The following PHB1 variants were observed in gnomAD, a reference collection of about 807,000 sequenced individuals.
PHB1 encodes epididymis luminal protein 215.
At chr17:49,409,209 G>GT in the PHB1 span, 847 of 1,578,204 alleles carry the variant, frequency 5.4e-4, 2 homozygotes, top group South Asian at 1.8e-3. Context: ...TGAGGAAGCA[G>GT]AAAAGGAACC....
chr17:49,410,012 C>T, the PHB1 span, among the ~76,000 whole-genome samples: 1 of 152,120 alleles, frequency 6.6e-6, no homozygotes, highest in Non-Finnish European at 1.5e-5. Flanking sequence ...TTCCAAGTAG[C>T]TGGGACTACA....
the PHB1 span, among the ~76,000 whole-genome samples, chr17:49,414,506 C>T: frequency 6.6e-6 from 1 of 152,128 alleles, no homozygotes; most frequent in African/African-American, 2.4e-5. Context: ...TTGCCCGCTC[C>T]AGTCTCAAAT....
the PHB1 span, among the ~76,000 whole-genome samples, chr17:49,405,435 T>G: frequency 6.6e-6 from 1 of 152,216 alleles, no homozygotes; most frequent in Non-Finnish European, 1.5e-5. Context: ...TACATCTCTG[T>G]TGGCTGCAGG....
chr17:49,413,406 A>C, the PHB1 span: 1 of 643,916 alleles, frequency 1.6e-6, no homozygotes, highest in East Asian at 2.8e-5. Context: ...CATTCCTGAA[A>C]GTGCTAAATC....
At chr17:49,409,691 G>A in the PHB1 span, among the ~76,000 whole-genome samples, 4 of 151,592 alleles carry the variant, frequency 2.6e-5, no homozygotes, top group Non-Finnish European at 5.9e-5. Flanking sequence ...ACAGGCACGC[G>A]CCGCCACACC....
the PHB1 span, chr17:49,411,626 A>T: frequency 6.6e-7 from 1 of 1,516,248 alleles, no homozygotes; most frequent in Non-Finnish European, 9.1e-7. Context: ...ACAGAAGAAC[A>T]GAGCACCTCT....
At chr17:49,405,085 T>C in the PHB1 span, 5 of 1,610,892 alleles carry the variant, frequency 3.1e-6, no homozygotes, top group African/African-American at 6.7e-5. Context: ...CCTCTGCAGC[T>C]TCCAGCTTGC....
the PHB1 span, among the ~76,000 whole-genome samples, chr17:49,413,935 C>G: frequency 6.6e-6 from 1 of 151,958 alleles, no homozygotes; most frequent in African/African-American, 2.4e-5. Flanking sequence ...CTCTCATTTC[C>G]TGGACAAGTA....
chr17:49,409,079 G>A, the PHB1 span: 2 of 1,611,756 alleles, frequency 1.2e-6, no homozygotes, highest in South Asian at 1.1e-5. Flanking sequence ...AAAGGTGGCG[G>A]CTCGCTCTGT....
chr17:49,408,229 AGGG>A, the PHB1 span, among the ~76,000 whole-genome samples: 1 of 152,218 alleles, frequency 6.6e-6, no homozygotes, highest in Non-Finnish European at 1.5e-5. Context: ...AGCAGTGCCC[AGGG>A]GTTAGCACTG....
At chr17:49,412,347 GA>G in the PHB1 span, 1 of 155,534 alleles carries the variant, frequency 6.4e-6, no homozygotes. Context: ...TTGGCACAGA[GA>G]GAAATTTATG....
chr17:49,405,026 G>A, the PHB1 span: 4 of 1,563,148 alleles, frequency 2.6e-6, no homozygotes, highest in East Asian at 2.4e-5. Context: ...GGACTGCCCC[G>A]CTGGCAGGTA....
chr17:49,413,034 G>GT, the PHB1 span: 1 of 639,104 alleles, frequency 1.6e-6, no homozygotes, highest in African/African-American at 1.8e-5. Flanking sequence ...CAGTCCTGTG[G>GT]TATGAAATGG....
the PHB1 span, among the ~76,000 whole-genome samples, chr17:49,413,711 C>T: frequency 2.6e-5 from 4 of 152,108 alleles, no homozygotes; most frequent in South Asian, 6.2e-4. Flanking sequence ...GGTCTTGCTA[C>T]GTTGCCCCAG....
chr17:49,409,495 T>G, the PHB1 span: 2 of 1,560,040 alleles, frequency 1.3e-6, no homozygotes, highest in Non-Finnish European at 8.7e-7. Context: ...GGACAAACAC[T>G]GGAGTTAAAA....
At chr17:49,406,136 A>C in the PHB1 span, among the ~76,000 whole-genome samples, 1 of 152,254 alleles carries the variant, frequency 6.6e-6, no homozygotes, top group Non-Finnish European at 1.5e-5. Flanking sequence ...ACAAAGCAAC[A>C]CAAGTCTCTG....
the PHB1 span, chr17:49,411,754 G>A: frequency 6.2e-7 from 1 of 1,614,070 alleles, no homozygotes; most frequent in South Asian, 1.1e-5. Context: ...GTACCCACGG[G>A]ATGAGAAAAT....
At chr17:49,409,850 A>AT in the PHB1 span, among the ~76,000 whole-genome samples, 78 of 150,270 alleles carry the variant, frequency 5.2e-4, no homozygotes, top group Admixed American at 1.7e-3. Flanking sequence ...GTGGTCTTTT[A>AT]TATGACCTCT....
chr17:49,408,986 G>T, the PHB1 span: 2 of 1,060,014 alleles, frequency 1.9e-6, no homozygotes, highest in East Asian at 2.4e-5. Context: ...ATGGAGCCAG[G>T]CACCTAAACG....
Sources: gnomAD v4.1 joint callset for allele counts (sites outside exome capture counted in the v4.1 genomes callset) on GRCh38, gnomAD v4.1.1 for gene constraint, MANE v1.5 for transcripts, NCBI Gene and HGNC (gene_info 2026-07-23, HGNC 2026-07-21) for gene names.